LHPP: variants seen among roughly 807,000 people sequenced by gnomAD.
LHPP encodes phospholysine phosphohistidine inorganic pyrophosphate phosphatase, also known as hLHPP.
In LHPP, 24 loss-of-function variants were observed where a neutral mutation model predicts 30.3. That is an observed-to-expected ratio of 0.79 (90% CI 0.57 to 1.11). LHPP has a LOEUF of 1.11. LHPP is among the 50% of genes most tolerant of loss of function. LHPP has a pLI of 0.00. For missense variants in LHPP, 356 were observed against 367.2 expected (o/e 0.97, Z 0.25); for synonymous variants, 150 against 157.1 (o/e 0.95, Z 0.34).
At chr10:124,470,981 C>T (rs1952715116) in intron 1 of LHPP, among the ~76,000 whole-genome samples, 3 of 152,090 alleles carry the variant, frequency 2.0e-5, no homozygotes, top group Non-Finnish European at 1.5e-5. Flanking sequence ...TCTGTGATTT[C>T]AGCTGTCATT....
intron 5 of LHPP, chr10:124,498,766 C>T (rs1376116893): frequency 5.0e-5 from 23 of 460,092 alleles, no homozygotes; most frequent in Non-Finnish European, 9.0e-5. Flanking sequence ...ACCTCCCAGG[C>T]TCAAGCGATC....
At chr10:124,505,595 C>T (rs1030798520) in intron 5 of LHPP, among the ~76,000 whole-genome samples, 5 of 152,216 alleles carry the variant, frequency 3.3e-5, no homozygotes, top group African/African-American at 1.2e-4. Flanking sequence ...TTAGAGGCAA[C>T]CTGGCCCTTT....
intron 6 of LHPP, among the ~76,000 whole-genome samples, chr10:124,532,806 A>G (rs775290325): frequency 6.6e-6 from 1 of 152,202 alleles, no homozygotes; most frequent in African/African-American, 2.4e-5. Flanking sequence ...CAGTGCCAGC[A>G]TGTCTGTCCC....
chr10:124,505,144 C>T (rs1423934683), intron 5 of LHPP, among the ~76,000 whole-genome samples: 5 of 152,082 alleles, frequency 3.3e-5, no homozygotes, highest in African/African-American at 7.2e-5. Context: ...CTGCATGTTC[C>T]GAACGTCCCC....
At chr10:124,511,896 C>T (rs1954309685) in intron 5 of LHPP, among the ~76,000 whole-genome samples, 1 of 152,096 alleles carries the variant, frequency 6.6e-6, no homozygotes, top group East Asian at 1.9e-4. Context: ...GTGGTAGCCC[C>T]TGCTGGGCGT....
At chr10:124,605,345 A>G (rs556313725) in intron 6 of LHPP, 1 of 152,340 alleles carries the variant, frequency 6.6e-6, no homozygotes, top group African/African-American at 2.4e-5. Context: ...CGAGGGCAGG[A>G]AACCTGGCCT....
At chr10:124,469,330 G>A (rs117591647) in intron 1 of LHPP, among the ~76,000 whole-genome samples, 4,123 of 152,140 alleles carry the variant, frequency 0.027, 76 homozygotes, top group Non-Finnish European at 0.039. Flanking sequence ...CTTCTTCTTG[G>A]ATTTTCTGTG....
intron 1 of LHPP, among the ~76,000 whole-genome samples, chr10:124,482,407 C>G (rs1238454079): frequency 6.6e-6 from 1 of 152,198 alleles, no homozygotes; most frequent in Non-Finnish European, 1.5e-5. Flanking sequence ...AGAACAGTGC[C>G]AGATGCAATT....
At chr10:124,584,996 A>C (rs1948785961) in intron 6 of LHPP, among the ~76,000 whole-genome samples, 1 of 152,236 alleles carries the variant, frequency 6.6e-6, no homozygotes, top group South Asian at 2.1e-4. Flanking sequence ...TATGTGTCTA[A>C]GCATATATGA....
intron 1 of LHPP, among the ~76,000 whole-genome samples, chr10:124,463,987 T>G (rs1952485896): frequency 6.6e-6 from 1 of 151,972 alleles, no homozygotes; most frequent in Non-Finnish European, 1.5e-5. Flanking sequence ...CAGCTAATTT[T>G]TTTGTGTTTT....
intron 1 of LHPP, among the ~76,000 whole-genome samples, chr10:124,477,020 A>G (rs1952970948): frequency 6.6e-6 from 1 of 152,196 alleles, no homozygotes; most frequent in African/African-American, 2.4e-5. Flanking sequence ...AGCCTAGCCA[A>G]CATAGCGAAA....
intron 6 of LHPP, among the ~76,000 whole-genome samples, chr10:124,534,860 G>A (rs1393147078): frequency 6.6e-6 from 1 of 152,210 alleles, no homozygotes; most frequent in East Asian, 1.9e-4. Context: ...GGCCTTACAA[G>A]TAGTTCTAGG....
intron 1 of LHPP, among the ~76,000 whole-genome samples, chr10:124,463,405 C>G (rs1368073014): frequency 6.6e-6 from 1 of 151,928 alleles, no homozygotes; most frequent in African/African-American, 2.4e-5. Flanking sequence ...TCTTGTTGCC[C>G]AGGCCGGAGT....
chr10:124,567,599 C>G (rs1948513801), intron 6 of LHPP, among the ~76,000 whole-genome samples: 1 of 152,244 alleles, frequency 6.6e-6, no homozygotes. Context: ...GGGCAACGCT[C>G]TGGCTTGACA....
chr10:124,486,556 C>T (rs990201921), intron 2 of LHPP, among the ~76,000 whole-genome samples: 1 of 152,250 alleles, frequency 6.6e-6, no homozygotes, highest in South Asian at 2.1e-4. Context: ...TTCCAGTTGT[C>T]CCTTCGAAAT....
At chr10:124,491,608 G>C (rs1164302654) in intron 3 of LHPP, among the ~76,000 whole-genome samples, 1 of 152,184 alleles carries the variant, frequency 6.6e-6, no homozygotes, top group African/African-American at 2.4e-5. Flanking sequence ...CTACATTCTA[G>C]AGCAGACTTT....
At chr10:124,584,836 T>C (rs190872548) in intron 6 of LHPP, among the ~76,000 whole-genome samples, 419 of 152,292 alleles carry the variant, frequency 2.8e-3, no homozygotes, top group Non-Finnish European at 4.6e-3. Flanking sequence ...TCTGGTATGC[T>C]CCAAAACCTG....
chr10:124,470,290 C>T (rs1952688512), intron 1 of LHPP, among the ~76,000 whole-genome samples: 1 of 152,148 alleles, frequency 6.6e-6, no homozygotes. Flanking sequence ...TCTGCTGGGC[C>T]CAGCCCAGGC....
chr10:124,562,266 C>T (rs979253820), intron 6 of LHPP, among the ~76,000 whole-genome samples: 5 of 152,092 alleles, frequency 3.3e-5, no homozygotes, highest in African/African-American at 1.2e-4. Context: ...GAGATCACGC[C>T]ACTGCACTCC....
Sources: gnomAD v4.1 joint callset for allele counts (sites outside exome capture counted in the v4.1 genomes callset) on GRCh38, gnomAD v4.1.1 for gene constraint, MANE v1.5 for transcripts, NCBI Gene and HGNC (gene_info 2026-07-23, HGNC 2026-07-21) for gene names.